Variants in RYR2 observed in about 807,000 individuals in gnomAD.
The protein encoded by RYR2 is ryanodine receptor 2.
RYR2 carries 227 observed loss-of-function variants against 601.1 expected under a neutral mutation model. The ratio of observed to expected loss-of-function variants is 0.38; its 90% confidence interval spans 0.34 to 0.42. The LOEUF is 0.42. Among genes scored for constraint, RYR2 ranks in the 10% least tolerant of loss-of-function variants. The pLI is 1.00. For missense variants in RYR2, 4,646 were observed against 6,156.5 expected (o/e 0.75, Z 8.21); for synonymous variants, 2,223 against 2,175.1 (o/e 1.02, Z -0.61).
At chr1:237,074,005 A>G (rs1664702498) in intron 1 of RYR2, among the ~76,000 whole-genome samples, 1 of 151,764 alleles carries the variant, frequency 6.6e-6, no homozygotes, top group African/African-American at 2.4e-5. Context: ...AACCATGGCT[A>G]TGAGAAGATT....
chr1:237,554,210 C>T (rs1670668311), intron 27 of RYR2, among the ~76,000 whole-genome samples: 2 of 151,758 alleles, frequency 1.3e-5, no homozygotes, highest in Admixed American at 1.3e-4. Context: ...TAAATAGGGT[C>T]ATGAATTTTG....
chr1:237,572,042 A>G (rs1469312391), intron 29 of RYR2, among the ~76,000 whole-genome samples: 2 of 152,146 alleles, frequency 1.3e-5, no homozygotes, highest in African/African-American at 4.8e-5. Context: ...ATTAGGTCTT[A>G]TTCATTTTTT....
chr1:237,485,024 G>T (rs1253234774), intron 17 of RYR2, among the ~76,000 whole-genome samples: 1 of 152,118 alleles, frequency 6.6e-6, no homozygotes, highest in East Asian at 1.9e-4. Context: ...TCAATTTTGT[G>T]TTCTACAAAC....
chr1:237,571,958 A>G (rs764476231), intron 29 of RYR2, among the ~76,000 whole-genome samples: 9 of 152,172 alleles, frequency 5.9e-5, no homozygotes, highest in Admixed American at 1.3e-4. Context: ...AAACAATCCA[A>G]TTATACTTCT....
At chr1:237,647,515 ATTTG>A (rs1300125287) in intron 48 of RYR2, among the ~76,000 whole-genome samples, 4 of 152,152 alleles carry the variant, frequency 2.6e-5, no homozygotes, top group African/African-American at 9.7e-5. Flanking sequence ...TTAGAACATT[ATTTG>A]TTTGTTTTCA....
chr1:237,421,550 C>G (rs1237418337), intron 11 of RYR2, among the ~76,000 whole-genome samples: 1 of 152,088 alleles, frequency 6.6e-6, no homozygotes, highest in Non-Finnish European at 1.5e-5. Context: ...ATGCTAACAT[C>G]TCAAGTCAAA....
intron 38 of RYR2, among the ~76,000 whole-genome samples, chr1:237,619,316 G>T (rs1352760348): frequency 6.6e-6 from 1 of 152,062 alleles, no homozygotes. Flanking sequence ...CAACGGCAGA[G>T]AAACAAAATA....
chr1:237,782,992 A>G (rs1695248342), intron 89 of RYR2, among the ~76,000 whole-genome samples: 1 of 152,012 alleles, frequency 6.6e-6, no homozygotes, highest in African/African-American at 2.4e-5. Flanking sequence ...TCTTTATGAT[A>G]TATAGCACGT....
At chr1:237,677,470 G>A (rs979410063) in intron 60 of RYR2, among the ~76,000 whole-genome samples, 1 of 152,132 alleles carries the variant, frequency 6.6e-6, no homozygotes, top group Non-Finnish European at 1.5e-5. Context: ...TTTGACATAG[G>A]TCAAAATTTC....
intron 64 of RYR2, among the ~76,000 whole-genome samples, chr1:237,699,470 T>G (rs1687774259): frequency 6.6e-6 from 1 of 152,222 alleles, no homozygotes; most frequent in Non-Finnish European, 1.5e-5. Flanking sequence ...TTCCCATCTG[T>G]GTGCTTTCTA....
chr1:237,771,962 C>A, intron 85 of RYR2, 50 bp from the exon 86 acceptor site: 1 of 1,075,958 alleles, frequency 9.3e-7, no homozygotes, highest in Non-Finnish European at 1.4e-6. Flanking sequence ...TAGAATGACT[C>A]AACTTGAACT....
intron 61 of RYR2, 91 bp from the exon 62 acceptor site, chr1:237,680,365 A>C: frequency 9.3e-7 from 1 of 1,073,720 alleles, no homozygotes; most frequent in Non-Finnish European, 1.4e-6. Context: ...GTTGCATGTG[A>C]ACAGAACTCT....
chr1:237,400,543 A>G (rs1703260579), intron 10 of RYR2, among the ~76,000 whole-genome samples: 2 of 152,236 alleles, frequency 1.3e-5, no homozygotes, highest in Admixed American at 1.3e-4. Context: ...GTACTGCTTT[A>G]CCAAGAATGA....
chr1:237,402,503 T>TA (rs1703445186), intron 10 of RYR2, among the ~76,000 whole-genome samples: 2 of 152,084 alleles, frequency 1.3e-5, no homozygotes, highest in African/African-American at 4.8e-5. Flanking sequence ...ATAGACATTC[T>TA]AAAACTAAAA....
chr1:237,476,080 T>A (rs1179919021), intron 17 of RYR2, among the ~76,000 whole-genome samples: 1 of 152,198 alleles, frequency 6.6e-6, no homozygotes, highest in Non-Finnish European at 1.5e-5. Flanking sequence ...TATTTCTGAG[T>A]TTGACTTTTT....
intron 17 of RYR2, chr1:237,470,994 G>C (rs1660660923): frequency 1.9e-5 from 3 of 154,364 alleles, no homozygotes; most frequent in African/African-American, 7.2e-5. Flanking sequence ...AGGCAGGCTT[G>C]AGGAAGCAGT....
intron 8 of RYR2, among the ~76,000 whole-genome samples, chr1:237,383,565 G>A (rs938619487): frequency 6.6e-6 from 1 of 151,146 alleles, no homozygotes; most frequent in Admixed American, 6.6e-5. Flanking sequence ...GAGTAGCTGG[G>A]ACTGTAGGTG....
At chr1:237,821,860 C>CGG (rs2102857789) in intron 101 of RYR2, among the ~76,000 whole-genome samples, 1 of 151,532 alleles carries the variant, frequency 6.6e-6, no homozygotes, top group East Asian at 2.0e-4. Context: ...AAACACAGCA[C>CGG]AAGAACTTTG....
At chr1:237,444,088 T>G (rs762906191) in intron 13 of RYR2, among the ~76,000 whole-genome samples, 2 of 152,180 alleles carry the variant, frequency 1.3e-5, no homozygotes, top group Non-Finnish European at 2.9e-5. Context: ...CACACAGTAT[T>G]GTATTATTGT....
Sources: allele counts gnomAD v4.1 joint callset (sites outside exome capture counted in the v4.1 genomes callset), GRCh38; gene constraint gnomAD v4.1.1; transcripts MANE v1.5; gene names NCBI Gene and HGNC (gene_info 2026-07-23, HGNC 2026-07-21).